Variants in SNTG2 observed in about 807,000 individuals in gnomAD.
The protein encoded by SNTG2 is syntrophin gamma 2.
SNTG2 carries 74 observed loss-of-function variants against 70.9 expected under a neutral mutation model. The ratio of observed to expected loss-of-function variants is 1.04; its 90% CI spans 0.86 to 1.27. SNTG2 has a LOEUF of 1.27. SNTG2 is among the 50% of genes most tolerant of loss of function. The probability of loss-of-function intolerance (pLI) is 0.00; values close to 1 mark genes in which losing one functional copy is unlikely to be tolerated. For missense variants in SNTG2, 717 were observed against 690.7 expected (o/e 1.04, Z -0.43); for synonymous variants, 278 against 273.8 (o/e 1.02, Z -0.15).
chr2:1,191,334 C>T (rs770002934), intron 8 of SNTG2, among the ~76,000 whole-genome samples: 1 of 152,094 alleles, frequency 6.6e-6, no homozygotes, highest in Non-Finnish European at 1.5e-5. Context: ...GTAGACTTTA[C>T]ATTTGTATTA....
At chr2:1,294,747 T>TCCAGTAGAG (rs1321730550) in intron 14 of SNTG2, among the ~76,000 whole-genome samples, 1 of 152,174 alleles carries the variant, frequency 6.6e-6, no homozygotes, top group African/African-American at 2.4e-5. Context: ...GATGAGAAAT[T>TCCAGTAGAG]ATTGAACAAA....
chr2:1,189,265 G>T lies in SNTG2; in HGVS notation c.591+16082G>T, dbSNP rs149227389. Among the ~76,000 whole-genome samples, 1,347 of 152,202 alleles carry T rather than the reference G, an allele frequency of 8.9e-3. 20 individuals carry two copies. Among genetic ancestry groups the T allele is most frequent in the African/African-American group, 0.031 (1,284 of 41,560 alleles). On this transcript the variant is annotated intron_variant, in intron 8 of 16. Transcript: ENST00000308624. Reference sequence around the variant, plus strand: ...AATGGAAAGAAATACCATATCAATGGATAGAAAAACCTCAATATCCTAAAT... The same window carrying T: ...AATGGAAAGAAATACCATATCAATGTATAGAAAAACCTCAATATCCTAAAT...
chr2:1,100,664 TCTGG>T (rs1269751819), intron 4 of SNTG2, among the ~76,000 whole-genome samples: 2 of 152,196 alleles, frequency 1.3e-5, no homozygotes, highest in African/African-American at 4.8e-5. Flanking sequence ...CCTGAAGCCA[TCTGG>T]CTGACTGATG....
At chr2:1,291,251 C>A (rs775614023) in intron 14 of SNTG2, among the ~76,000 whole-genome samples, 5 of 152,164 alleles carry the variant, frequency 3.3e-5, no homozygotes, top group African/African-American at 1.2e-4. Context: ...GTATTCTAGA[C>A]ATCAACCCCT....
intron 8 of SNTG2, among the ~76,000 whole-genome samples, chr2:1,192,341 T>G (rs978664680): frequency 1.3e-5 from 2 of 152,190 alleles, no homozygotes; most frequent in Non-Finnish European, 2.9e-5. Context: ...CCCTTGTGTC[T>G]TCACCATAGA....
intron 16 of SNTG2, among the ~76,000 whole-genome samples, chr2:1,363,864 A>G (rs980372460): frequency 6.6e-6 from 1 of 152,156 alleles, no homozygotes; most frequent in Non-Finnish European, 1.5e-5. Flanking sequence ...TGGATTGAGT[A>G]TTGTTTCATA....
intron 13 of SNTG2, chr2:1,262,700 G>C (rs1198790451): frequency 2.1e-5 from 2 of 94,686 alleles, no homozygotes; most frequent in Non-Finnish European, 6.0e-5. Context: ...GCTCCGTCCA[G>C]ACGAGGCAAC....
chr2:989,768 C>A (rs1661432091), intron 1 of SNTG2, among the ~76,000 whole-genome samples: 1 of 152,228 alleles, frequency 6.6e-6, no homozygotes, highest in Non-Finnish European at 1.5e-5. Flanking sequence ...AGTAAAGCGA[C>A]TTAAGACTAG....
intron 15 of SNTG2, among the ~76,000 whole-genome samples, chr2:1,309,173 A>T (rs1232404905): frequency 6.6e-6 from 1 of 152,114 alleles, no homozygotes; most frequent in Non-Finnish European, 1.5e-5. Flanking sequence ...TACGGTTGTT[A>T]AAAAAAATTT....
At chr2:1,132,568 G>C in intron 4 of SNTG2, among the ~76,000 whole-genome samples, 1 of 152,232 alleles carries the variant, frequency 6.6e-6, no homozygotes, top group East Asian at 1.9e-4. Flanking sequence ...GTGGTAGTAA[G>C]TAAACCTCGA....
chr2:1,109,919 G>A (rs559668612), intron 4 of SNTG2, among the ~76,000 whole-genome samples: 3 of 152,244 alleles, frequency 2.0e-5, no homozygotes, highest in South Asian at 2.1e-4. Flanking sequence ...ACCTTCAGTC[G>A]TTCTCATGTG....
chr2:1,341,230 T>C (rs1372285552), intron 16 of SNTG2: 15 of 152,120 alleles, frequency 9.9e-5, no homozygotes, highest in Non-Finnish European at 1.9e-4. Context: ...TCTGTACACA[T>C]CAGGAAGCTC....
At chr2:1,267,915 C>T (rs1678835040) in intron 14 of SNTG2, among the ~76,000 whole-genome samples, 1 of 152,184 alleles carries the variant, frequency 6.6e-6, no homozygotes, top group Non-Finnish European at 1.5e-5. Context: ...GGAGACAGAA[C>T]ACCTAGCTTA....
At chr2:1,273,258 C>G (rs999818087) in intron 14 of SNTG2, among the ~76,000 whole-genome samples, 2 of 152,196 alleles carry the variant, frequency 1.3e-5, no homozygotes, top group African/African-American at 4.8e-5. Context: ...CTGGTCTGAG[C>G]TGCTCTCACA....
intron 14 of SNTG2, among the ~76,000 whole-genome samples, chr2:1,292,894 T>C (rs9752901): frequency 0.16 from 24,135 of 152,106 alleles, 2,541 homozygotes; most frequent in East Asian, 0.5. Context: ...TCTCTTCAGG[T>C]TTTTAGAAGT....
At chr2:1,120,533 A>G (rs570453406) in intron 4 of SNTG2, among the ~76,000 whole-genome samples, 2 of 152,298 alleles carry the variant, frequency 1.3e-5, no homozygotes, top group South Asian at 2.1e-4. Flanking sequence ...TTAAGGACAC[A>G]CACATATTAA....
intron 9 of SNTG2, among the ~76,000 whole-genome samples, chr2:1,220,910 A>T (rs1273532720): frequency 6.6e-6 from 1 of 152,192 alleles, no homozygotes; most frequent in African/African-American, 2.4e-5. Flanking sequence ...TGCTAAGCAG[A>T]TGAATGACTA....
chr2:1,148,329 A>G lies in SNTG2; in HGVS notation c.411+10520A>G, dbSNP rs1032179659. On this transcript the variant is annotated intron_variant, in intron 6 of 16. Transcript: ENST00000308624. ...TCCTTATTTCTCACATGGAGAAGAG[A>G]GGGCCTGGCAGCTTTTCATGTTTGC... 2.3e-4 allele frequency among the ~76,000 whole-genome samples: 35 copies of G among 152,180 alleles called. 1 individual carries two copies. Among genetic ancestry groups the G allele is most frequent in the Non-Finnish European group, 1.5e-5 (1 of 68,038 alleles).
chr2:1,021,082 C>A (rs1036177752), intron 1 of SNTG2, among the ~76,000 whole-genome samples: 1 of 152,032 alleles, frequency 6.6e-6, no homozygotes, highest in Non-Finnish European at 1.5e-5. Flanking sequence ...TCTCTTGAAT[C>A]GCCAATTTTC....
Sources: allele counts gnomAD v4.1 joint callset (sites outside exome capture counted in the v4.1 genomes callset), GRCh38; gene constraint gnomAD v4.1.1; transcripts MANE v1.5; gene names NCBI Gene and HGNC (gene_info 2026-07-23, HGNC 2026-07-21).